The following DOCK9 variants were observed in gnomAD, a reference collection of about 807,000 sequenced individuals.
DOCK9 encodes dedicator of cytokinesis 9, also known as dedicator of cytokinesis protein 9.
Under a neutral mutation model 263.3 loss-of-function variants are expected in DOCK9, and 89 were observed. That is an observed-to-expected ratio of 0.34 (90% CI 0.28 to 0.40). The LOEUF (loss-of-function observed/expected upper bound fraction) is 0.40, where lower values mean the gene tolerates loss of function less well. Ranked by LOEUF, DOCK9 falls within the 10% of genes least tolerant of loss-of-function variation. The probability of loss-of-function intolerance (pLI) is 1.00; values close to 1 mark genes in which losing one functional copy is unlikely to be tolerated. For missense variants in DOCK9, 2,140 were observed against 2,603.4 expected, an observed-to-expected ratio of 0.82 and a Z score of 3.87; for synonymous variants, 976 against 973.1, an observed-to-expected ratio of 1.00 and a Z score of -0.06.
intron 24 of DOCK9, 96 bp from the exon 25 acceptor site, chr13:98,881,723 G>A: frequency 7.4e-7 from 1 of 1,344,096 alleles, no homozygotes; most frequent in Non-Finnish European, 1.0e-6. Flanking sequence ...GATGCTATCA[G>A]CACTTAGGAA....
chr13:99,072,762 C>A (rs1055134639), intron 1 of DOCK9, among the ~76,000 whole-genome samples: 1 of 152,034 alleles, frequency 6.6e-6, no homozygotes, highest in Non-Finnish European at 1.5e-5. Context: ...GCACTTGGGA[C>A]GCCGAGGCAG....
chr13:98,966,187 C>T (rs2059172572), intron 1 of DOCK9, among the ~76,000 whole-genome samples: 1 of 152,208 alleles, frequency 6.6e-6, no homozygotes, highest in South Asian at 2.1e-4. Flanking sequence ...TGTCCTGTGC[C>T]CGGGGAGTCA....
chr13:98,843,718 G>A (rs1334855303), intron 38 of DOCK9, among the ~76,000 whole-genome samples: 1 of 152,172 alleles, frequency 6.6e-6, no homozygotes, highest in East Asian at 1.9e-4. Flanking sequence ...GCTCTTGTGG[G>A]TAGCAGGAAG....
At chr13:98,990,421 C>G (rs577413400) in intron 1 of DOCK9, among the ~76,000 whole-genome samples, 1 of 152,316 alleles carries the variant, frequency 6.6e-6, no homozygotes, top group East Asian at 1.9e-4. Context: ...AATAAAAAAT[C>G]TTAAGCAAGT....
Position 99,054,610 on chromosome 13 carries a change from A to G in DOCK9, c.129+31613T>C, listed in dbSNP as rs564774426. Among the ~76,000 whole-genome samples, 38 of 152,370 alleles carry G rather than the reference A, an allele frequency of 2.5e-4. 1 individual carries two copies. The South Asian group carries it at 7.2e-3, about 29-fold the overall frequency. ...GCAAGAGGGAAGGCATAAGCCCAGA[A>G]TCACATCTAAGTTCTTCCATTGCTA... On this transcript the variant is annotated intron_variant, in intron 1 of 32. Coordinates refer to the DOCK9 transcript ENST00000427887.
intron 39 of DOCK9, among the ~76,000 whole-genome samples, chr13:98,835,870 T>C (rs529881008): frequency 1.3e-5 from 2 of 151,554 alleles, no homozygotes; most frequent in East Asian, 3.9e-4. Context: ...CTCCCGTAGC[T>C]GGGACTACAA....
Position 98,931,230 on chromosome 13 carries a change from C to T in DOCK9, c.244-973G>A, listed in dbSNP as rs1268773044. ...AAATAAAATGACAGGGCAGGGGTAG[C>T]ATCCTGTCTACCTCAATAACTAGGC... On this transcript the variant is annotated intron_variant, in intron 2 of 52. Coordinates refer to ENST00000682017, the MANE Select transcript of DOCK9 (RefSeq NM_001366683.2). Among the ~76,000 whole-genome samples, 11 of 152,336 alleles carry T rather than the reference C, an allele frequency of 7.2e-5. No individual in the cohort carries two copies. The South Asian group carries it at 2.1e-3, about 29-fold the overall frequency.
chr13:99,064,911 G>A (rs4486737), intron 1 of DOCK9, among the ~76,000 whole-genome samples: 22,603 of 152,160 alleles, frequency 0.15, 2,407 homozygotes, highest in East Asian at 0.43. Flanking sequence ...TCCTCTGCTG[G>A]TGGTTTATAA....
chr13:99,040,231 C>CAGAT (rs1437754604), intron 1 of DOCK9, among the ~76,000 whole-genome samples: 3 of 152,124 alleles, frequency 2.0e-5, no homozygotes, highest in Admixed American at 6.5e-5. Flanking sequence ...CACCAGGCAC[C>CAGAT]AGATCTGCAG....
At chr13:98,971,219 C>A (rs2059695633) in intron 1 of DOCK9, among the ~76,000 whole-genome samples, 2 of 152,164 alleles carry the variant, frequency 1.3e-5, no homozygotes, top group Admixed American at 6.5e-5. Flanking sequence ...GGTCCCTGGT[C>A]TCTTGGCCCA....
At chr13:98,989,435 G>A (rs1344408196) in intron 1 of DOCK9, among the ~76,000 whole-genome samples, 3 of 151,798 alleles carry the variant, frequency 2.0e-5, no homozygotes, top group Non-Finnish European at 4.4e-5. Context: ...CCTGAACTGA[G>A]CCTCAAGGAT....
At chr13:99,045,927 C>T (rs1427194994) in intron 1 of DOCK9, among the ~76,000 whole-genome samples, 2 of 129,194 alleles carry the variant, frequency 1.5e-5, no homozygotes, top group Non-Finnish European at 3.3e-5. Context: ...CCCATCTCTA[C>T]TAAAAATACA....
intron 3 of DOCK9, among the ~76,000 whole-genome samples, chr13:98,927,871 G>A (rs1041193043): frequency 2.1e-4 from 32 of 151,942 alleles, no homozygotes; most frequent in African/African-American, 4.1e-4. Context: ...CACCCGCCTC[G>A]GCCTCCCAAA....
At chr13:98,982,924 T>C (rs1877542567), upstream of DOCK9, among the ~76,000 whole-genome samples, 1 of 151,164 alleles carries the variant, frequency 6.6e-6, no homozygotes, top group Non-Finnish European at 1.5e-5. Flanking sequence ...AGTTTTAAAA[T>C]GTACAAATAA....
intron 30 of DOCK9, among the ~76,000 whole-genome samples, chr13:98,864,458 C>T (rs2093961935): frequency 3.3e-5 from 5 of 152,130 alleles, no homozygotes; most frequent in Admixed American, 3.3e-4. Context: ...GCCTTTTGTC[C>T]CCTATCAGAC....
intron 30 of DOCK9, among the ~76,000 whole-genome samples, chr13:98,866,450 C>T (rs189144580): frequency 6.6e-6 from 1 of 152,284 alleles, no homozygotes; most frequent in African/African-American, 2.4e-5. Flanking sequence ...TCTCGGAATT[C>T]AGAAGCAGTT....
At chr13:98,852,960 C>G (rs1002360418) in intron 35 of DOCK9, among the ~76,000 whole-genome samples, 4 of 152,198 alleles carry the variant, frequency 2.6e-5, no homozygotes, top group African/African-American at 9.6e-5. Context: ...TATACACACT[C>G]TAAATGGAAG....
intron 1 of DOCK9, among the ~76,000 whole-genome samples, chr13:99,064,065 TTTCTCTCATC>T (rs1280931792): frequency 6.6e-6 from 1 of 152,218 alleles, no homozygotes; most frequent in Admixed American, 6.5e-5. Flanking sequence ...CCTCCACCTT[TTTCTCTCATC>T]TTCTCTCTTC....
chr13:98,899,234 G>A (rs934540265), intron 13 of DOCK9, among the ~76,000 whole-genome samples: 6 of 151,974 alleles, frequency 3.9e-5, no homozygotes, highest in Non-Finnish European at 8.8e-5. Context: ...CAAGACCTCC[G>A]GTGATCTGTG....
Sources: gnomAD v4.1 joint callset for allele counts (sites outside exome capture counted in the v4.1 genomes callset) on GRCh38, gnomAD v4.1.1 for gene constraint, MANE v1.5 for transcripts, NCBI Gene and HGNC (gene_info 2026-07-23, HGNC 2026-07-21) for gene names.